Variants in GPHN observed in about 807,000 individuals in gnomAD.
GPHN encodes the protein gephyrin.
GPHN carries 17 observed loss-of-function variants against 95.5 expected under a neutral mutation model. That is an observed-to-expected ratio of 0.18 (90% CI 0.12 to 0.27). The LOEUF (loss-of-function observed/expected upper bound fraction) is 0.27. Among genes scored for constraint, GPHN ranks in the 10% least tolerant of loss-of-function variants. The probability of loss-of-function intolerance (pLI) is 1.00; values close to 1 mark genes in which losing one functional copy is unlikely to be tolerated. For missense variants in GPHN, 660 were observed against 978.1 expected (o/e 0.67, Z 4.34); for synonymous variants, 320 against 322.5 (o/e 0.99, Z 0.08).
chr14:67,720,808 T>C, the GPHN span: 2 of 152,268 alleles, frequency 1.3e-5, no homozygotes, highest in Admixed American at 6.5e-5. Flanking sequence ...ATTTTCATAA[T>C]TCTAGATGCC....
At chr14:67,291,402 C>T in the GPHN span, among the ~76,000 whole-genome samples, 1 of 151,776 alleles carries the variant, frequency 6.6e-6, no homozygotes, top group Non-Finnish European at 1.5e-5. Context: ...TCTCCTGCCT[C>T]GCCTCCGAAG....
chr14:66,820,948 T>C (rs894123494), intron 3 of GPHN, among the ~76,000 whole-genome samples: 1 of 152,170 alleles, frequency 6.6e-6, no homozygotes, highest in African/African-American at 2.4e-5. Flanking sequence ...AAGGCAATAA[T>C]TTTTTAAAGA....
intron 9 of GPHN, among the ~76,000 whole-genome samples, chr14:67,014,123 T>G (rs2153619217): frequency 1.3e-5 from 2 of 152,174 alleles, no homozygotes; most frequent in Middle Eastern, 3.4e-3. Flanking sequence ...CAGCATTTCT[T>G]ATTACAGGCC....
the GPHN span, among the ~76,000 whole-genome samples, chr14:67,618,160 T>C: frequency 6.6e-6 from 1 of 152,216 alleles, no homozygotes; most frequent in African/African-American, 2.4e-5. Flanking sequence ...ATAATTTCAA[T>C]GAACTGAACA....
chr14:67,473,912 G>C, the GPHN span: 6 of 1,603,498 alleles, frequency 3.7e-6, no homozygotes, highest in Non-Finnish European at 5.1e-6. The surrounding 1 kb of genome is among the most constrained non-coding windows in gnomAD (Gnocchi z 6.5). Context: ...TCAGGGGCTC[G>C]GCAGACGCCA....
chr14:66,570,345 C>T (rs2060636102), intron 1 of GPHN, among the ~76,000 whole-genome samples: 2 of 140,948 alleles, frequency 1.4e-5, no homozygotes, highest in African/African-American at 5.2e-5. Flanking sequence ...GCTCTTTTTG[C>T]CCAGGCTTGA....
the GPHN span, among the ~76,000 whole-genome samples, chr14:67,618,562 G>A: frequency 1.3e-5 from 2 of 151,450 alleles, no homozygotes; most frequent in Admixed American, 1.3e-4. Flanking sequence ...TAAATTTCTG[G>A]TAGAGTCAGC....
chr14:67,567,534 C>T, the GPHN span, among the ~76,000 whole-genome samples: 364 of 151,978 alleles, frequency 2.4e-3, 4 homozygotes, highest in African/African-American at 8.4e-3. Flanking sequence ...CTCGATGTAT[C>T]TGCCCTACAC....
At chr14:66,801,719 T>A (rs1246957156) in intron 3 of GPHN, among the ~76,000 whole-genome samples, 1 of 147,556 alleles carries the variant, frequency 6.8e-6, no homozygotes, top group Non-Finnish European at 1.5e-5. Flanking sequence ...CTGCACTGGA[T>A]CAGGCCTGAA....
chr14:67,375,436 A>G, the GPHN span, among the ~76,000 whole-genome samples: 1 of 151,684 alleles, frequency 6.6e-6, no homozygotes, highest in Admixed American at 6.6e-5. Context: ...CTCAGTTCTT[A>G]GTGGTACTGT....
rs552826017 is a variant in GPHN at position 66,757,626 on chromosome 14, G to A, written c.144-18838G>A. Reference sequence around the variant, plus strand: ...GCTGGTCTCAAACTCCTGGCCTCAAGTAATCTGCCCACCTCAGCCTCCCAA... The same window carrying A: ...GCTGGTCTCAAACTCCTGGCCTCAAATAATCTGCCCACCTCAGCCTCCCAA... On this transcript the variant is annotated intron_variant, in intron 2 of 22. Transcript: ENST00000478722. 2.4e-3 allele frequency among the ~76,000 whole-genome samples: 362 copies of A among 152,316 alleles called. 3 individuals carry two copies. Among genetic ancestry groups the A allele is most frequent in the African/African-American group, 8.2e-3 (341 of 41,548 alleles).
the GPHN span, chr14:67,575,333 C>G: frequency 2.9e-4 from 306 of 1,042,140 alleles, 1 homozygote; most frequent in African/African-American, 4.4e-3. Flanking sequence ...TTTGCCAGTC[C>G]TGGATTTACT....
chr14:67,554,585 A>C, the GPHN span, among the ~76,000 whole-genome samples: 1 of 152,200 alleles, frequency 6.6e-6, no homozygotes, highest in East Asian at 1.9e-4. Context: ...GGGATGCATG[A>C]ATTTGCTCTG....
At chr14:67,314,771 A>G in the GPHN span, among the ~76,000 whole-genome samples, 1 of 152,340 alleles carries the variant, frequency 6.6e-6, no homozygotes, top group Admixed American at 6.5e-5. Flanking sequence ...ATGGCTTTCC[A>G]TCAGAATTAG....
chr14:67,019,799 C>T (rs1317668075), intron 9 of GPHN, among the ~76,000 whole-genome samples: 3 of 152,086 alleles, frequency 2.0e-5, no homozygotes, highest in Non-Finnish European at 2.9e-5. Flanking sequence ...GCTGGGGGCT[C>T]GTAGCTACTG....
intron 1 of GPHN, among the ~76,000 whole-genome samples, chr14:66,616,515 A>G (rs577053857): frequency 2.6e-5 from 4 of 151,898 alleles, no homozygotes; most frequent in Non-Finnish European, 4.4e-5. Flanking sequence ...TTCAGGCCCT[A>G]TACATGTGGT....
the GPHN span, among the ~76,000 whole-genome samples, chr14:67,511,258 A>G: frequency 6.6e-6 from 1 of 152,252 alleles, no homozygotes; most frequent in African/African-American, 2.4e-5. Context: ...GCTTTTGGAA[A>G]GCAAAGGAAT....
intron 3 of GPHN, among the ~76,000 whole-genome samples, chr14:66,816,887 T>C (rs1314073076): frequency 6.6e-6 from 1 of 152,130 alleles, no homozygotes; most frequent in East Asian, 1.9e-4. Context: ...CAGAGAATGA[T>C]GACTTATGTA....
rs1294471693 is a variant in GPHN, at chr14:66,793,912, A to G, written c.201+17391A>G. Among the ~76,000 whole-genome samples, 9 of 152,264 alleles carry G rather than the reference A, an allele frequency of 5.9e-5. No individual in the cohort carries two copies. In the East Asian group the frequency reaches 1.7e-3, roughly 29 times the overall value. The stretch of plus-strand genomic sequence containing the variant: ...ATAGAAAACATAGAGAAAAATGGCA[A>G]ATGTAAATCCAGATATATCATTAAT... On this transcript the variant is annotated intron_variant, in intron 3 of 22. Transcript: ENST00000478722.
Sources: allele counts gnomAD v4.1 joint callset (sites outside exome capture counted in the v4.1 genomes callset), GRCh38; gene constraint gnomAD v4.1.1; non-coding constraint Gnocchi (gnomAD v3.1); transcripts MANE v1.5; gene names NCBI Gene and HGNC (gene_info 2026-07-23, HGNC 2026-07-21).